The following SSBP2 variants were observed in gnomAD, a reference collection of about 807,000 sequenced individuals.
The protein encoded by SSBP2 is single stranded DNA binding protein 2, also known as single-stranded DNA-binding protein 2.
Under a neutral mutation model 61.8 loss-of-function variants are expected in SSBP2, and 17 were observed. That is an observed-to-expected ratio of 0.28 (90% confidence interval 0.19 to 0.41). The LOEUF is 0.41. Among genes scored for constraint, SSBP2 ranks in the 10% least tolerant of loss-of-function variants. The pLI, the probability that SSBP2 is intolerant of heterozygous loss-of-function variation, is 1.00. For synonymous variants in SSBP2, 139 were observed against 141.3 expected, an observed-to-expected ratio of 0.98 and a Z score of 0.12; for missense variants, 310 against 458.7, an observed-to-expected ratio of 0.68 and a Z score of 2.96.
At chr5:81,462,933 A>G (rs932449521) in intron 9 of SSBP2, among the ~76,000 whole-genome samples, 4 of 152,090 alleles carry the variant, frequency 2.6e-5, no homozygotes, top group Admixed American at 2.0e-4. Flanking sequence ...CATAAATAGA[A>G]TAAACTATTT....
chr5:81,675,610 C>G (rs380946), intron 1 of SSBP2, among the ~76,000 whole-genome samples: 1 of 151,866 alleles, frequency 6.6e-6, no homozygotes, highest in Non-Finnish European at 1.5e-5. Context: ...GTTACTTTTA[C>G]GTTTTTTGTT....
At chr5:81,730,188 C>T (rs1028493180) in intron 1 of SSBP2, among the ~76,000 whole-genome samples, 26 of 152,112 alleles carry the variant, frequency 1.7e-4, no homozygotes, top group African/African-American at 5.3e-4. Flanking sequence ...AAAATGAACG[C>T]TTCATCATTA....
intron 3 of SSBP2, chr5:81,616,003 A>G (rs1745977266): frequency 6.5e-6 from 1 of 153,606 alleles, no homozygotes; most frequent in South Asian, 2.0e-4. Flanking sequence ...CCATTAAATT[A>G]TATTGTTTAA....
At chr5:81,702,727 C>T (rs1016452274) in intron 1 of SSBP2, among the ~76,000 whole-genome samples, 3 of 152,150 alleles carry the variant, frequency 2.0e-5, no homozygotes, top group Admixed American at 6.5e-5. Context: ...CTACATTTTT[C>T]TGTCATTTTA....
chr5:81,737,844 A>C (rs924068169), intron 1 of SSBP2, among the ~76,000 whole-genome samples: 1 of 151,694 alleles, frequency 6.6e-6, no homozygotes, highest in African/African-American at 2.4e-5. Context: ...TTCATTCTAC[A>C]AATCTGGCAT....
At chr5:81,690,067 T>A (rs913416365) in intron 1 of SSBP2, among the ~76,000 whole-genome samples, 1 of 151,992 alleles carries the variant, frequency 6.6e-6, no homozygotes, top group African/African-American at 2.4e-5. Flanking sequence ...GCAAGATTTC[T>A]GGTAACCTCA....
At chr5:81,749,129 C>T (rs1186995426) in intron 1 of SSBP2, among the ~76,000 whole-genome samples, 1 of 152,172 alleles carries the variant, frequency 6.6e-6, no homozygotes, top group African/African-American at 2.4e-5. Context: ...CACATTATAA[C>T]AAAATGATTA....
At chr5:81,480,670 T>C (rs1412226904) in intron 6 of SSBP2, among the ~76,000 whole-genome samples, 2 of 152,152 alleles carry the variant, frequency 1.3e-5, no homozygotes, top group Non-Finnish European at 2.9e-5. Context: ...CCTCCCAAAG[T>C]GTTGGGATTA....
chr5:81,715,147 C>G (rs1755088850), intron 1 of SSBP2, among the ~76,000 whole-genome samples: 1 of 152,050 alleles, frequency 6.6e-6, no homozygotes. Flanking sequence ...CTCACAGAGA[C>G]AGACAGGAGG....
intron 6 of SSBP2, among the ~76,000 whole-genome samples, chr5:81,486,932 T>C (rs942625178): frequency 6.6e-6 from 1 of 152,216 alleles, no homozygotes; most frequent in Non-Finnish European, 1.5e-5. Flanking sequence ...CACTTTCTGC[T>C]GTGCACTAGA....
chr5:81,487,517 C>T (rs951425816), intron 6 of SSBP2, among the ~76,000 whole-genome samples: 45 of 151,728 alleles, frequency 3.0e-4, no homozygotes, highest in African/African-American at 1.0e-3. Flanking sequence ...TGTATGAATG[C>T]TAGAGCCATG....
chr5:81,587,148 T>C (rs539992501), intron 4 of SSBP2, among the ~76,000 whole-genome samples: 3 of 152,328 alleles, frequency 2.0e-5, no homozygotes, highest in African/African-American at 4.8e-5. Context: ...AACTATCTTC[T>C]GAGTTCTGTG....
chr5:81,650,183 A>G, intron 2 of SSBP2, 84 bp downstream of exon 2: 1 of 988,592 alleles, frequency 1.0e-6, no homozygotes, highest in Non-Finnish European at 1.5e-6. Context: ...TACATAACAA[A>G]CTTTTTTCAA....
At chr5:81,540,602 T>A (rs1771188496) in intron 4 of SSBP2, among the ~76,000 whole-genome samples, 1 of 152,214 alleles carries the variant, frequency 6.6e-6, no homozygotes, top group Non-Finnish European at 1.5e-5. Flanking sequence ...TTTTTTCTCA[T>A]AAATTTGATT....
chr5:81,686,862 AAAAAAAAAAAG>A (rs1418262992), intron 1 of SSBP2, among the ~76,000 whole-genome samples: 13 of 112,770 alleles, frequency 1.2e-4, no homozygotes, highest in Admixed American at 2.2e-4. Context: ...CTCAAAAAAA[AAAAAAAAAAAG>A]AAAAGAAAAG....
At chr5:81,717,118 C>T (rs1755216560) in intron 1 of SSBP2, among the ~76,000 whole-genome samples, 1 of 152,072 alleles carries the variant, frequency 6.6e-6, no homozygotes, top group African/African-American at 2.4e-5. Context: ...TCTCCCAATC[C>T]TGTACATATT....
At chr5:81,603,209 G>A (rs563902220) in intron 4 of SSBP2, among the ~76,000 whole-genome samples, 34 of 152,282 alleles carry the variant, frequency 2.2e-4, no homozygotes, top group African/African-American at 7.7e-4. Context: ...GCTCATTTGT[G>A]AAGACGCAAA....
intron 4 of SSBP2, among the ~76,000 whole-genome samples, chr5:81,553,652 T>C (rs1345777515): frequency 6.6e-6 from 1 of 152,146 alleles, no homozygotes; most frequent in Non-Finnish European, 1.5e-5. Flanking sequence ...GCTTCATATA[T>C]TTATATATAA....
chr5:81,463,167 C>G (rs1302179336), intron 9 of SSBP2, among the ~76,000 whole-genome samples: 2 of 152,006 alleles, frequency 1.3e-5, no homozygotes, highest in South Asian at 2.1e-4. Context: ...TTAAATTTCT[C>G]CTAACATTAC....
Sources: allele counts gnomAD v4.1 joint callset (sites outside exome capture counted in the v4.1 genomes callset), GRCh38; gene constraint gnomAD v4.1.1; transcripts MANE v1.5; gene names NCBI Gene and HGNC (gene_info 2026-07-23, HGNC 2026-07-21).